TTC29: variants seen among roughly 807,000 people sequenced by gnomAD.
TTC29 encodes the protein tetratricopeptide repeat domain 29.
In TTC29, 49 loss-of-function variants were observed where a neutral mutation model predicts 58.1. That is an observed-to-expected ratio of 0.84 (90% confidence interval 0.67 to 1.07). The LOEUF is 1.07. Among genes scored for constraint, TTC29 ranks in the 50% least tolerant of loss-of-function variants. The pLI is 0.00. For synonymous variants in TTC29, 209 were observed against 196.8 expected, an observed-to-expected ratio of 1.06 and a Z score of -0.52; for missense variants, 582 against 555.6, an observed-to-expected ratio of 1.05 and a Z score of -0.48.
chr4:146,838,839 T>A (rs760117187), intron 8 of TTC29, among the ~76,000 whole-genome samples: 3 of 152,174 alleles, frequency 2.0e-5, no homozygotes, highest in Non-Finnish European at 4.4e-5. Context: ...CTCTCTTATA[T>A]ACCTTTATTT....
At chr4:146,937,346 A>G (rs1433675490) in intron 4 of TTC29, among the ~76,000 whole-genome samples, 1 of 152,066 alleles carries the variant, frequency 6.6e-6, no homozygotes, top group African/African-American at 2.4e-5. Context: ...CACAGACTTA[A>G]CTAAATATTG....
chr4:146,735,604 C>G (rs1337153085), intron 11 of TTC29, among the ~76,000 whole-genome samples: 3 of 152,162 alleles, frequency 2.0e-5, no homozygotes, highest in Non-Finnish European at 4.4e-5. Context: ...CCTATAAATG[C>G]CAAGTGGCAC....
chr4:146,846,206 T>A (rs1729159209), intron 8 of TTC29, among the ~76,000 whole-genome samples: 1 of 152,182 alleles, frequency 6.6e-6, no homozygotes, highest in African/African-American at 2.4e-5. Context: ...ATATGAAGTA[T>A]CAGCACAATC....
At chr4:146,761,978 AC>A (rs1362208098) in intron 11 of TTC29, among the ~76,000 whole-genome samples, 1 of 151,942 alleles carries the variant, frequency 6.6e-6, no homozygotes, top group African/African-American at 2.4e-5. Context: ...AAAAACAAAA[AC>A]AAAAACCTGC....
At chr4:146,893,452 T>C (rs1192742507) in intron 6 of TTC29, among the ~76,000 whole-genome samples, 3 of 152,166 alleles carry the variant, frequency 2.0e-5, no homozygotes, top group Non-Finnish European at 4.4e-5. Flanking sequence ...ATTTAATAAA[T>C]GGTGCTGGGA....
chr4:146,815,907 A>T (rs1405105097), intron 10 of TTC29, among the ~76,000 whole-genome samples: 1 of 152,190 alleles, frequency 6.6e-6, no homozygotes, highest in Non-Finnish European at 1.5e-5. Flanking sequence ...CAACATGAAC[A>T]TTGCTAACCA....
intron 11 of TTC29, among the ~76,000 whole-genome samples, chr4:146,714,228 A>G (rs955845254): frequency 2.6e-5 from 4 of 152,204 alleles, no homozygotes; most frequent in African/African-American, 7.2e-5. Context: ...CTGGCCCAGA[A>G]CAGACATAGT....
intron 11 of TTC29, among the ~76,000 whole-genome samples, chr4:146,789,455 G>C (rs2150100075): frequency 6.6e-6 from 1 of 152,288 alleles, no homozygotes; most frequent in Admixed American, 6.5e-5. Context: ...TCATTTCGAT[G>C]CAAGTGGTCC....
chr4:146,741,407 G>A (rs1490533160), intron 11 of TTC29, among the ~76,000 whole-genome samples: 1 of 151,896 alleles, frequency 6.6e-6, no homozygotes, highest in Non-Finnish European at 1.5e-5. Context: ...ACCAAGGGAC[G>A]AACTGTTCAG....
intron 6 of TTC29, among the ~76,000 whole-genome samples, chr4:146,900,680 T>C: frequency 6.6e-6 from 1 of 152,118 alleles, no homozygotes; most frequent in Non-Finnish European, 1.5e-5. Flanking sequence ...TTTTTAAAAA[T>C]CAGAATGAGA....
rs79923478 is a variant in TTC29 at position 146,847,797 on chromosome 4, C to T, written c.886-13900G>A. 3.5e-3 allele frequency among the ~76,000 whole-genome samples: 528 copies of T among 152,298 alleles called. 11 individuals are homozygous for T. In the East Asian group the frequency reaches 0.057, roughly 16 times the overall value. ...AAGTTCAGAAGTGCCTTTGAATGCT[C>T]GCACTGTGATCCAGATGTCTGAGTT... On this transcript the variant is annotated intron_variant, in intron 8 of 12. Coordinates refer to ENST00000325106, the MANE Select transcript of TTC29 (RefSeq NM_031956.4).
chr4:146,896,675 T>C (rs539596240), intron 6 of TTC29, among the ~76,000 whole-genome samples: 31 of 152,296 alleles, frequency 2.0e-4, no homozygotes, highest in African/African-American at 7.2e-4. Flanking sequence ...AACTTCCATA[T>C]TTGTCGTCTT....
At chr4:146,917,604 T>TAATTTATATAATATCTAATTAGA (rs1734312928) in intron 4 of TTC29, among the ~76,000 whole-genome samples, 1 of 108,396 alleles carries the variant, frequency 9.2e-6, no homozygotes, top group Non-Finnish European at 1.8e-5. Context: ...ACATTATATA[T>TAATTTATATAATATCTAATTAGA]TATTTATAAT....
chr4:146,857,298 G>GTGTGTGTGTGTGTGTGTGTGTGTGTGTGT (rs1561193683), intron 8 of TTC29, among the ~76,000 whole-genome samples: 2 of 151,626 alleles, frequency 1.3e-5, no homozygotes, highest in African/African-American at 2.4e-5. Context: ...GTGTGTGTGT[G>GTGTGTGTGTGTGTGTGTGTGTGTGTGTGT]GAGGGTAATG....
chr4:146,789,720 T>C (rs78878025), intron 11 of TTC29, among the ~76,000 whole-genome samples: 1,724 of 152,240 alleles, frequency 0.011, 31 homozygotes, highest in African/African-American at 0.037. Flanking sequence ...TAAGTTCTGT[T>C]TTGTCAAACT....
chr4:146,850,410 T>C (rs566121928), intron 8 of TTC29, among the ~76,000 whole-genome samples: 14 of 152,310 alleles, frequency 9.2e-5, no homozygotes, highest in African/African-American at 2.9e-4. Flanking sequence ...CATTGACAAG[T>C]AGCTGCCTGA....
chr4:146,899,921 G>A (rs1733027668), intron 6 of TTC29, among the ~76,000 whole-genome samples: 1 of 152,134 alleles, frequency 6.6e-6, no homozygotes, highest in African/African-American at 2.4e-5. Flanking sequence ...ACCTGCCCCT[G>A]GGCACAGCTG....
At chr4:146,818,303 C>T (rs1360207280) in intron 10 of TTC29, among the ~76,000 whole-genome samples, 3 of 152,336 alleles carry the variant, frequency 2.0e-5, no homozygotes, top group East Asian at 3.9e-4. Context: ...CAAAAGAAGA[C>T]ATTTATGCAG....
At chr4:146,715,704 T>C (rs1279271429) in intron 11 of TTC29, among the ~76,000 whole-genome samples, 2 of 152,132 alleles carry the variant, frequency 1.3e-5, no homozygotes, top group Non-Finnish European at 2.9e-5. Context: ...TCTGTAGAAT[T>C]GCAGGGTGGA....
Sources: gnomAD v4.1 joint callset for allele counts (sites outside exome capture counted in the v4.1 genomes callset) on GRCh38, gnomAD v4.1.1 for gene constraint, MANE v1.5 for transcripts, NCBI Gene and HGNC (gene_info 2026-07-23, HGNC 2026-07-21) for gene names.